The following EXOC4 variants were observed in gnomAD, a reference collection of about 807,000 sequenced individuals.
EXOC4 encodes the protein exocyst complex component 4.
A neutral mutation model predicts 107.2 loss-of-function variants in EXOC4; 71 were observed. The observed-to-expected ratio is 0.66, with a 90% CI of 0.55 to 0.81. The LOEUF (loss-of-function observed/expected upper bound fraction) is 0.81, where lower values mean the gene tolerates loss of function less well. Among genes scored for constraint, EXOC4 ranks in the 30% least tolerant of loss-of-function variants. The pLI is 0.00. For missense variants in EXOC4, 1,108 were observed against 1,189.6 expected (o/e 0.93, Z 1.01); for synonymous variants, 456 against 441.2 (o/e 1.03, Z -0.42).
chr7:133,527,919 T>C lies in EXOC4; in HGVS notation c.1417+47781T>C, dbSNP rs1324495483. ...ATGCTTACTTCCTTTTTGTACTTGATCAGACATCTTTGAATGTATCAGTCA... is the reference window on the plus strand; with the variant it reads ...ATGCTTACTTCCTTTTTGTACTTGACCAGACATCTTTGAATGTATCAGTCA... On this transcript the variant is annotated intron_variant, in intron 9 of 17. Transcript: ENST00000253861. Among the ~76,000 whole-genome samples, 4 of 152,216 alleles carry C rather than the reference T, an allele frequency of 2.6e-5. 1 individual carries two copies. The highest frequency in any genetic ancestry group is 5.9e-5 in the Non-Finnish European group (4 of 68,036).
chr7:133,655,024 CA>C (rs1413781278), intron 10 of EXOC4, among the ~76,000 whole-genome samples: 1 of 152,100 alleles, frequency 6.6e-6, no homozygotes, highest in East Asian at 1.9e-4. Context: ...CTGGGTGAGT[CA>C]GTGAGTGGTA....
At chr7:134,070,641 C>T (rs1032893778), downstream of EXOC4, among the ~76,000 whole-genome samples, 6 of 152,090 alleles carry the variant, frequency 3.9e-5, no homozygotes, top group Admixed American at 2.0e-4. Flanking sequence ...GCCAAAGACG[C>T]GTCTGTAATT....
intron 12 of EXOC4, among the ~76,000 whole-genome samples, chr7:133,898,331 G>T (rs1165388114): frequency 1.3e-5 from 2 of 152,044 alleles, no homozygotes; most frequent in African/African-American, 4.8e-5. Flanking sequence ...TAGGTTAATT[G>T]CCTGAGATTG....
chr7:133,323,607 G>A (rs1203996026), intron 5 of EXOC4, among the ~76,000 whole-genome samples: 10 of 152,148 alleles, frequency 6.6e-5, no homozygotes, highest in African/African-American at 2.4e-4. Context: ...GCTGGATTCG[G>A]TTTGCCAATA....
chr7:133,919,332 A>G (rs1166001915), intron 13 of EXOC4, among the ~76,000 whole-genome samples: 1 of 152,126 alleles, frequency 6.6e-6, no homozygotes, highest in Non-Finnish European at 1.5e-5. Flanking sequence ...TCTTGCATTC[A>G]TGTGGTGTAT....
chr7:133,421,588 T>G (rs1482414125), intron 7 of EXOC4, among the ~76,000 whole-genome samples: 1 of 152,216 alleles, frequency 6.6e-6, no homozygotes, highest in East Asian at 1.9e-4. Context: ...TGCTTTTGAT[T>G]TCCTGCTTGC....
chr7:134,046,270 C>T (rs988516217), intron 17 of EXOC4, among the ~76,000 whole-genome samples: 1 of 152,000 alleles, frequency 6.6e-6, no homozygotes, highest in Admixed American at 6.6e-5. Context: ...TCGCTTGAGG[C>T]CAGGAGTTCG....
At chr7:133,445,243 A>G (rs1196664186) in intron 7 of EXOC4, among the ~76,000 whole-genome samples, 1 of 152,222 alleles carries the variant, frequency 6.6e-6, no homozygotes, top group Non-Finnish European at 1.5e-5. Flanking sequence ...CAGATTTATT[A>G]AGAGTCCCTG....
chr7:133,926,829 A>T (rs1800063014), intron 13 of EXOC4, among the ~76,000 whole-genome samples: 1 of 152,172 alleles, frequency 6.6e-6, no homozygotes, highest in Admixed American at 6.5e-5. Context: ...TATCTGGAGA[A>T]TCAAATGAGT....
chr7:133,393,111 T>C (rs1796889610), intron 7 of EXOC4, among the ~76,000 whole-genome samples: 1 of 152,204 alleles, frequency 6.6e-6, no homozygotes, highest in African/African-American at 2.4e-5. Flanking sequence ...CTGAATACCT[T>C]CTCTGATATG....
intron 10 of EXOC4, among the ~76,000 whole-genome samples, chr7:133,705,633 C>T (rs1409538430): frequency 6.6e-6 from 1 of 152,102 alleles, no homozygotes; most frequent in Non-Finnish European, 1.5e-5. Context: ...CTTTTGGACT[C>T]TGGGGCCATT....
intron 10 of EXOC4, among the ~76,000 whole-genome samples, chr7:133,759,999 G>A (rs912248118): frequency 6.6e-6 from 1 of 152,150 alleles, no homozygotes; most frequent in East Asian, 1.9e-4. Flanking sequence ...ACGTCAGCAC[G>A]AGTTTGGCCA....
chr7:133,495,157 C>T (rs181352613), intron 9 of EXOC4, among the ~76,000 whole-genome samples: 1 of 151,672 alleles, frequency 6.6e-6, no homozygotes, highest in African/African-American at 2.4e-5. Flanking sequence ...GAGGCTGAGG[C>T]AGGAGAATCG....
At chr7:133,477,034 G>C (rs977687075) in intron 8 of EXOC4, among the ~76,000 whole-genome samples, 1 of 152,078 alleles carries the variant, frequency 6.6e-6, no homozygotes, top group African/African-American at 2.4e-5. Context: ...AACAGTTTTA[G>C]GTTTATAGAA....
chr7:133,749,462 G>A (rs1445750262), intron 10 of EXOC4, among the ~76,000 whole-genome samples: 1 of 151,934 alleles, frequency 6.6e-6, no homozygotes, highest in Non-Finnish European at 1.5e-5. Flanking sequence ...GCATGATCTC[G>A]GCTCATTGCA....
chr7:133,996,737 C>T (rs1794400446), intron 14 of EXOC4, among the ~76,000 whole-genome samples: 1 of 152,120 alleles, frequency 6.6e-6, no homozygotes, highest in Admixed American at 6.6e-5. Context: ...TGGTCAGCCC[C>T]TTCTGTAGTA....
At chr7:134,016,524 G>A (rs1794912523) in intron 17 of EXOC4, among the ~76,000 whole-genome samples, 1 of 152,134 alleles carries the variant, frequency 6.6e-6, no homozygotes, top group Non-Finnish European at 1.5e-5. Context: ...CCCAATAAAT[G>A]GAAGCATTTT....
At chr7:133,269,372 T>C (rs933114433) in intron 1 of EXOC4, among the ~76,000 whole-genome samples, 1 of 152,226 alleles carries the variant, frequency 6.6e-6, no homozygotes, top group African/African-American at 2.4e-5. Flanking sequence ...ATATTAACTA[T>C]GTGCATGTGT....
intron 11 of EXOC4, among the ~76,000 whole-genome samples, chr7:133,846,778 CACATTTGGCCCTCA>C (rs1798136826): frequency 6.6e-6 from 1 of 152,178 alleles, no homozygotes; most frequent in South Asian, 2.1e-4. Flanking sequence ...GGTGGCAGGC[CACATTTGGCCCTCA>C]GGCCGTACTT....
Sources: allele counts gnomAD v4.1 joint callset (sites outside exome capture counted in the v4.1 genomes callset), GRCh38; gene constraint gnomAD v4.1.1; transcripts MANE v1.5; gene names NCBI Gene and HGNC (gene_info 2026-07-23, HGNC 2026-07-21).